The following MGAT4C variants were observed in gnomAD, a reference collection of about 807,000 sequenced individuals.
The protein encoded by MGAT4C is alpha-1,3-mannosyl-glycoprotein 4-beta-N-acetylglucosaminyltransferase C.
MGAT4C carries 19 observed loss-of-function variants against 40.1 expected under a neutral mutation model. That is an observed-to-expected ratio of 0.47 (90% CI 0.33 to 0.70). The LOEUF (loss-of-function observed/expected upper bound fraction) is 0.70, where lower values mean the gene tolerates loss of function less well. MGAT4C is among the 30% of genes least tolerant of loss of function. The probability of loss-of-function intolerance (pLI) is 0.02; values close to 1 mark genes in which losing one functional copy is unlikely to be tolerated. For synonymous variants in MGAT4C, 181 were observed against 187.1 expected (o/e 0.97, Z 0.27); for missense variants, 491 against 563.2 (o/e 0.87, Z 1.30).
intron 1 of MGAT4C, among the ~76,000 whole-genome samples, chr12:86,069,105 G>A (rs1258360026): frequency 7.0e-6 from 1 of 142,052 alleles, no homozygotes; most frequent in Non-Finnish European, 1.6e-5. Flanking sequence ...AGTCATGTGA[G>A]TCCTTTATTC....
At chr12:86,101,033 TA>T (rs1255311600) in intron 1 of MGAT4C, among the ~76,000 whole-genome samples, 1 of 151,792 alleles carries the variant, frequency 6.6e-6, no homozygotes, top group Non-Finnish European at 1.5e-5. Flanking sequence ...ATTTTTTTTC[TA>T]TTCACTTCTC....
chr12:86,045,491 T>A (rs1405589717), intron 2 of MGAT4C, among the ~76,000 whole-genome samples: 1 of 152,178 alleles, frequency 6.6e-6, no homozygotes, highest in African/African-American at 2.4e-5. Flanking sequence ...ATATTTCTCC[T>A]CTTAATGGTG....
chr12:86,019,597 A>T lies in MGAT4C; in HGVS notation c.-6-30045T>A, dbSNP rs148971758. ...CATGCTGTTTTGGTTACTGTAGCCT[A>T]GTAGTATAGTTTGAAGTCAGGTAGC... On this transcript the variant is annotated intron_variant, in intron 2 of 4. Coordinates refer to ENST00000611864, the MANE Select transcript of MGAT4C (RefSeq NM_001351288.2). Among the ~76,000 whole-genome samples the T allele has an allele frequency of 8.1e-3, 1,229 of 152,144 alleles. 10 individuals carry two copies. The highest frequency in any genetic ancestry group is 0.011 in the Non-Finnish European group (757 of 67,942).
chr12:86,689,949 G>A (rs572893131), intron 2 of MGAT4C, among the ~76,000 whole-genome samples: 1 of 152,186 alleles, frequency 6.6e-6, no homozygotes, highest in African/African-American at 2.4e-5. Context: ...GTCCCAGGGG[G>A]ATGGGAGTTT....
intron 2 of MGAT4C, chr12:86,001,478 A>G: frequency 4.1e-6 from 1 of 243,110 alleles, no homozygotes; most frequent in Non-Finnish European, 6.6e-6. Context: ...TCTGACCCAG[A>G]ATCCCAAGCA....
intron 2 of MGAT4C, among the ~76,000 whole-genome samples, chr12:86,442,387 G>A (rs1056551731): frequency 1.3e-4 from 20 of 152,104 alleles, no homozygotes; most frequent in African/African-American, 3.9e-4. Flanking sequence ...TGTTGCCATC[G>A]CTTTTGGTGT....
At chr12:86,157,484 G>T (rs1340842747) in intron 1 of MGAT4C, among the ~76,000 whole-genome samples, 1 of 152,040 alleles carries the variant, frequency 6.6e-6, no homozygotes, top group East Asian at 1.9e-4. Context: ...TAATATGCAT[G>T]TTCTTGTTAT....
rs115235016 is a variant in MGAT4C at position 86,455,725 on chromosome 12, T to C, written c.-228-20460A>G. 6.7e-3 allele frequency among the ~76,000 whole-genome samples: 1,016 copies of C among 152,238 alleles called. 11 individuals are homozygous for C. The highest frequency in any genetic ancestry group is 0.023 in the African/African-American group (969 of 41,566). On this transcript the variant is annotated intron_variant, in intron 2 of 7. Coordinates refer to the MGAT4C transcript ENST00000548651. ...CAAGTAAAGTCAAATATTAATTTTG[T>C]AGGCAAAAATGTGGGATAACTTTGC...
intron 2 of MGAT4C, among the ~76,000 whole-genome samples, chr12:86,649,312 G>A (rs917948076): frequency 6.6e-6 from 1 of 151,628 alleles, no homozygotes; most frequent in African/African-American, 2.4e-5. Flanking sequence ...CATTCAGTAG[G>A]CTATAAGCTC....
intron 2 of MGAT4C, among the ~76,000 whole-genome samples, chr12:86,526,340 G>A (rs1958882546): frequency 6.6e-6 from 1 of 152,110 alleles, no homozygotes; most frequent in Admixed American, 6.5e-5. Flanking sequence ...CAGTGGCAGG[G>A]CAGCGTGCAT....
At chr12:86,824,753 A>AGAAAG (rs920137633) in intron 1 of MGAT4C, among the ~76,000 whole-genome samples, 1 of 143,376 alleles carries the variant, frequency 7.0e-6, no homozygotes, top group Non-Finnish European at 1.5e-5. Context: ...AAAAAAAAAA[A>AGAAAG]AGAGAGAGAG....
chr12:85,991,166 G>A (rs1885880808), intron 2 of MGAT4C, among the ~76,000 whole-genome samples: 1 of 152,128 alleles, frequency 6.6e-6, no homozygotes, highest in African/African-American at 2.4e-5. Context: ...TCAGCACTTA[G>A]CAGAGAGGTT....
chr12:86,482,067 T>TACACACACACACACAC (rs10526768), intron 2 of MGAT4C, among the ~76,000 whole-genome samples: 6 of 143,110 alleles, frequency 4.2e-5, no homozygotes, highest in African/African-American at 1.3e-4. Flanking sequence ...AACATGTCAC[T>TACACACACACACACAC]ACACACACAC....
chr12:86,067,946 C>T (rs1445334156), intron 1 of MGAT4C: 3 of 152,068 alleles, frequency 2.0e-5, no homozygotes, highest in African/African-American at 7.2e-5. Context: ...CATGTAGATC[C>T]TGGATCCGTG....
At chr12:86,698,666 A>G (rs777606464) in intron 2 of MGAT4C, among the ~76,000 whole-genome samples, 1 of 151,746 alleles carries the variant, frequency 6.6e-6, no homozygotes, top group Non-Finnish European at 1.5e-5. Flanking sequence ...ATAAGTATGT[A>G]CAGCTGAGCT....
chr12:86,814,193 C>A (rs997898069), intron 1 of MGAT4C, among the ~76,000 whole-genome samples: 1 of 151,038 alleles, frequency 6.6e-6, no homozygotes, highest in African/African-American at 2.4e-5. Flanking sequence ...ATGGCTTTTG[C>A]AAATTATTTA....
At chr12:86,760,698 G>C (rs911472402) in intron 1 of MGAT4C, among the ~76,000 whole-genome samples, 5 of 152,082 alleles carry the variant, frequency 3.3e-5, no homozygotes, top group African/African-American at 1.2e-4. Context: ...GCATAGAAAA[G>C]AAAAGGGGAA....
chr12:86,276,754 A>C (rs553259031), intron 4 of MGAT4C, among the ~76,000 whole-genome samples: 1 of 152,318 alleles, frequency 6.6e-6, no homozygotes, highest in East Asian at 1.9e-4. Flanking sequence ...GCCGTTGCAA[A>C]TGACAGAATC....
chr12:86,250,808 G>T (rs1312307400), intron 1 of MGAT4C, among the ~76,000 whole-genome samples: 1 of 151,970 alleles, frequency 6.6e-6, no homozygotes, highest in Non-Finnish European at 1.5e-5. Flanking sequence ...TGCAGTAAAT[G>T]ATTAACCCGT....
Sources: gnomAD v4.1 joint callset for allele counts (sites outside exome capture counted in the v4.1 genomes callset) on GRCh38, gnomAD v4.1.1 for gene constraint, MANE v1.5 for transcripts, NCBI Gene and HGNC (gene_info 2026-07-23, HGNC 2026-07-21) for gene names.